ZNF385B: variants seen among roughly 807,000 people sequenced by gnomAD.
ZNF385B encodes the protein zinc finger protein 385B, also known as zinc finger protein 533.
ZNF385B carries 23 observed loss-of-function variants against 39.2 expected under a neutral mutation model. The ratio of observed to expected loss-of-function variants is 0.59; its 90% confidence interval spans 0.42 to 0.83. The LOEUF is 0.83. Ranked by LOEUF, ZNF385B falls within the 40% of genes least tolerant of loss-of-function variation. ZNF385B has a pLI of 0.00. For synonymous variants in ZNF385B, 205 were observed against 222.6 expected (o/e 0.92, Z 0.70); for missense variants, 552 against 598.9 (o/e 0.92, Z 0.82).
intron 6 of ZNF385B, among the ~76,000 whole-genome samples, chr2:179,482,690 G>GT (rs1234985578): frequency 6.6e-6 from 1 of 152,096 alleles, no homozygotes; most frequent in Non-Finnish European, 1.5e-5. Flanking sequence ...CTTAAAATAT[G>GT]TAAGTCCATT....
chr2:179,448,274 T>A (rs1039101604), intron 6 of ZNF385B, among the ~76,000 whole-genome samples: 4 of 152,072 alleles, frequency 2.6e-5, no homozygotes, highest in Non-Finnish European at 5.9e-5. Flanking sequence ...TTGGATAATA[T>A]TTTAGGCCTG....
At chr2:179,641,881 G>C (rs1692297987) in intron 3 of ZNF385B, among the ~76,000 whole-genome samples, 1 of 152,090 alleles carries the variant, frequency 6.6e-6, no homozygotes, top group African/African-American at 2.4e-5. Flanking sequence ...GATGAAGGTG[G>C]GAAGAAGGTA....
At chr2:179,493,495 G>A (rs1420631228) in intron 5 of ZNF385B, among the ~76,000 whole-genome samples, 9 of 118,844 alleles carry the variant, frequency 7.6e-5, no homozygotes, top group African/African-American at 2.6e-4. Flanking sequence ...GTATAAACGT[G>A]TGTGTACATA....
chr2:179,613,766 C>T (rs1318569468), intron 3 of ZNF385B, among the ~76,000 whole-genome samples: 1 of 152,106 alleles, frequency 6.6e-6, no homozygotes, highest in Non-Finnish European at 1.5e-5. Context: ...CCAGCTCATT[C>T]CTCACTAGCA....
intron 3 of ZNF385B, among the ~76,000 whole-genome samples, chr2:179,681,249 T>A (rs904808266): frequency 6.6e-6 from 1 of 152,166 alleles, no homozygotes; most frequent in African/African-American, 2.4e-5. Context: ...TCACATTAAA[T>A]AACGTACATG....
intron 6 of ZNF385B, among the ~76,000 whole-genome samples, chr2:179,479,049 A>G (rs2053714628): frequency 6.6e-6 from 1 of 152,052 alleles, no homozygotes; most frequent in Non-Finnish European, 1.5e-5. Context: ...CCTCCCTCCC[A>G]TTATGTTTCC....
chr2:179,541,640 A>G (rs949867293), intron 4 of ZNF385B, among the ~76,000 whole-genome samples: 1 of 152,356 alleles, frequency 6.6e-6, no homozygotes, highest in Admixed American at 6.5e-5. Flanking sequence ...GAACAAGTGG[A>G]CAATTGAGTA....
intron 3 of ZNF385B, among the ~76,000 whole-genome samples, chr2:179,653,127 G>A (rs761938980): frequency 6.6e-6 from 1 of 152,186 alleles, no homozygotes; most frequent in Non-Finnish European, 1.5e-5. Flanking sequence ...AGAACTAGGA[G>A]CTGGTGCTGC....
intron 1 of ZNF385B, among the ~76,000 whole-genome samples, chr2:179,854,874 G>A (rs1684458893): frequency 6.6e-6 from 1 of 152,190 alleles, no homozygotes; most frequent in African/African-American, 2.4e-5. Context: ...ACATTAGGCT[G>A]TTAGTGAAGA....
intron 3 of ZNF385B, among the ~76,000 whole-genome samples, chr2:179,645,483 G>A (rs1468186856): frequency 1.3e-5 from 2 of 152,072 alleles, no homozygotes; most frequent in Non-Finnish European, 2.9e-5. Context: ...CTACCTAACA[G>A]GCAATATATT....
At chr2:179,500,990 G>A (rs868190923) in intron 5 of ZNF385B, among the ~76,000 whole-genome samples, 5 of 151,986 alleles carry the variant, frequency 3.3e-5, no homozygotes, top group Admixed American at 1.3e-4. Context: ...CATATGAAAA[G>A]GTGTTCAACA....
At chr2:179,784,344 A>T (rs1176001156) in intron 1 of ZNF385B, among the ~76,000 whole-genome samples, 1 of 152,052 alleles carries the variant, frequency 6.6e-6, no homozygotes, top group Non-Finnish European at 1.5e-5. Flanking sequence ...GAGGGAGAGC[A>T]GCAGAAAAGC....
At chr2:179,803,387 G>A (rs1363346655) in intron 1 of ZNF385B, among the ~76,000 whole-genome samples, 1 of 152,122 alleles carries the variant, frequency 6.6e-6, no homozygotes, top group South Asian at 2.1e-4. Flanking sequence ...ATAAACTGCT[G>A]AGACCATTTT....
intron 3 of ZNF385B, among the ~76,000 whole-genome samples, chr2:179,705,850 GATGTACATAC>G (rs1175255780): frequency 2.6e-5 from 4 of 152,184 alleles, no homozygotes; most frequent in African/African-American, 4.8e-5. Flanking sequence ...CAATAAACTT[GATGTACATAC>G]ATAAGCAGTG....
At chr2:179,508,476 A>C (rs1165785483) in intron 5 of ZNF385B, among the ~76,000 whole-genome samples, 3 of 152,240 alleles carry the variant, frequency 2.0e-5, no homozygotes, top group Non-Finnish European at 1.5e-5. Context: ...TTTGGCTGAG[A>C]AAGGTCACTG....
At chr2:179,620,655 A>T (rs537010215) in intron 3 of ZNF385B, among the ~76,000 whole-genome samples, 1 of 152,278 alleles carries the variant, frequency 6.6e-6, no homozygotes, top group South Asian at 2.1e-4. Flanking sequence ...TCGGTAAAGA[A>T]TATGAACTAA....
At chr2:179,490,014 T>G (rs1001418509) in intron 5 of ZNF385B, among the ~76,000 whole-genome samples, 12 of 152,242 alleles carry the variant, frequency 7.9e-5, no homozygotes, top group Admixed American at 5.2e-4. Context: ...CAGGGCACTA[T>G]TCACATATAT....
intron 1 of ZNF385B, among the ~76,000 whole-genome samples, chr2:179,855,397 T>G (rs2105450692): frequency 6.6e-6 from 1 of 152,350 alleles, no homozygotes; most frequent in Non-Finnish European, 1.5e-5. Context: ...TCTTTTTTAC[T>G]TGTTGATGAT....
At chr2:179,643,150 C>G (rs1251107282) in intron 3 of ZNF385B, among the ~76,000 whole-genome samples, 3 of 150,744 alleles carry the variant, frequency 2.0e-5, no homozygotes, top group Non-Finnish European at 3.0e-5. Context: ...TGGTCAATTA[C>G]AACATTCGGA....
Sources: gnomAD v4.1 joint callset for allele counts (sites outside exome capture counted in the v4.1 genomes callset) on GRCh38, gnomAD v4.1.1 for gene constraint, MANE v1.5 for transcripts, NCBI Gene and HGNC (gene_info 2026-07-23, HGNC 2026-07-21) for gene names.